Variants in TAFA1 observed in about 807,000 individuals in gnomAD.
TAFA1 encodes chemokine-like protein TAFA-1.
In TAFA1, 4 loss-of-function variants were observed where a neutral mutation model predicts 18.5. The ratio of observed to expected loss-of-function variants is 0.22; its 90% confidence interval spans 0.11 to 0.49. The LOEUF (loss-of-function observed/expected upper bound fraction) is 0.49, where lower values mean the gene tolerates loss of function less well. Ranked by LOEUF, TAFA1 falls within the 20% of genes least tolerant of loss-of-function variation. TAFA1 has a pLI of 0.98. For synonymous variants in TAFA1, 56 were observed against 55.2 expected (o/e 1.01, Z -0.06); for missense variants, 147 against 169.0 (o/e 0.87, Z 0.72).
At chr3:68,296,956 T>C (rs986813912) in intron 2 of TAFA1, among the ~76,000 whole-genome samples, 2 of 152,164 alleles carry the variant, frequency 1.3e-5, no homozygotes, top group African/African-American at 4.8e-5. Context: ...GCTTCTATAA[T>C]TGAACTGAAA....
intron 3 of TAFA1, among the ~76,000 whole-genome samples, chr3:68,431,457 A>G (rs1559667031): frequency 6.6e-6 from 1 of 152,112 alleles, no homozygotes; most frequent in South Asian, 2.1e-4. Context: ...CCTAATCTTC[A>G]TAACAATGCA....
intron 3 of TAFA1, among the ~76,000 whole-genome samples, chr3:68,521,229 C>T (rs1039831158): frequency 2.6e-5 from 4 of 152,180 alleles, no homozygotes; most frequent in South Asian, 2.1e-4. Flanking sequence ...TTTTCCAGAG[C>T]GCCCTCCCCA....
intron 2 of TAFA1, among the ~76,000 whole-genome samples, chr3:68,269,021 C>A (rs144371543): frequency 1.3e-3 from 202 of 152,186 alleles, no homozygotes; most frequent in African/African-American, 4.6e-3. Flanking sequence ...CCCTTCTTTC[C>A]TTCCCTTCTT....
At chr3:68,204,892 C>T (rs187954362) in intron 2 of TAFA1, among the ~76,000 whole-genome samples, 42 of 151,934 alleles carry the variant, frequency 2.8e-4, no homozygotes, top group Admixed American at 1.0e-3. Flanking sequence ...ATCATTTGGC[C>T]TCCCAGATGT....
chr3:68,021,185 CAAAAAAAAAAAAAAA>C (rs10610707), intron 2 of TAFA1, among the ~76,000 whole-genome samples: 1 of 56,092 alleles, frequency 1.8e-5, no homozygotes, highest in African/African-American at 6.6e-5. Context: ...GACCCTGTCT[CAAAAAAAAAAAAAAA>C]AAAAAAAAAA....
rs565001040 is a variant in TAFA1 at position 68,043,224 on chromosome 3, TA to T, written c.118+36481del. ...TTAACAGAAAGAGAGTACACTGCTT[TA>T]TGTAAAAAACTGACAGGTGATTGCC... On this transcript the variant is annotated intron_variant, in intron 2 of 4. Transcript: ENST00000478136. 1.3e-5 allele frequency among the ~76,000 whole-genome samples: 2 copies of T among 152,308 alleles called. 1 individual carries two copies. The highest frequency in any genetic ancestry group is 4.1e-4 in the South Asian group (2 of 4,832).
At chr3:68,213,927 C>T (rs1354089774) in intron 2 of TAFA1, among the ~76,000 whole-genome samples, 3 of 151,994 alleles carry the variant, frequency 2.0e-5, no homozygotes, top group African/African-American at 2.4e-5. Flanking sequence ...CTGCCTTAAC[C>T]TCAGATGGTT....
intron 3 of TAFA1, among the ~76,000 whole-genome samples, chr3:68,424,389 A>T (rs1206023015): frequency 6.6e-6 from 1 of 152,086 alleles, no homozygotes; most frequent in Non-Finnish European, 1.5e-5. Context: ...ACATTAATAC[A>T]TCTATCCATA....
chr3:68,177,284 C>G (rs1051975323), intron 2 of TAFA1, among the ~76,000 whole-genome samples: 1 of 152,116 alleles, frequency 6.6e-6, no homozygotes, highest in Admixed American at 6.5e-5. Context: ...ATTGGTAAAT[C>G]AACATTAATG....
chr3:68,287,783 C>T (rs2068036129), intron 2 of TAFA1, among the ~76,000 whole-genome samples: 2 of 151,996 alleles, frequency 1.3e-5, no homozygotes, highest in Admixed American at 1.3e-4. Context: ...TCCGTGACGC[C>T]CCGAAGCAAG....
intron 2 of TAFA1, among the ~76,000 whole-genome samples, chr3:68,141,436 G>A (rs2106902517): frequency 6.6e-6 from 1 of 152,256 alleles, no homozygotes; most frequent in East Asian, 1.9e-4. Flanking sequence ...AGAGAACTCA[G>A]GTCGTCAGCA....
Position 68,246,566 on chromosome 3 carries a change from G to C in TAFA1, c.119-170714G>C, listed in dbSNP as rs958890341. 8.4e-4 allele frequency among the ~76,000 whole-genome samples: 101 copies of C among 120,764 alleles called. 1 individual carries two copies. The highest frequency in any genetic ancestry group is 3.1e-3 in the African/African-American group (95 of 30,532). The allele number at this position is 120,764 out of a possible 152,430, so 79.2% of individuals were successfully genotyped here. A position where few individuals can be genotyped will look rare whatever the true frequency, so the allele number is the denominator to read the frequency against. ...GATGGTGCCACCGCACTCCAGCCTG[G>C]GCGACAGAGCGGGACTCCGTCTCAA... On this transcript the variant is annotated intron_variant, in intron 2 of 4. Coordinates refer to ENST00000478136, the MANE Select transcript of TAFA1 (RefSeq NM_213609.4).
chr3:68,486,822 T>A (rs1435193258), intron 3 of TAFA1, among the ~76,000 whole-genome samples: 4 of 152,316 alleles, frequency 2.6e-5, no homozygotes, highest in Non-Finnish European at 4.4e-5. Flanking sequence ...TCTCATTCAA[T>A]ATCTTAGCAT....
At chr3:68,423,432 G>A (rs1206678976) in intron 3 of TAFA1, among the ~76,000 whole-genome samples, 3 of 152,092 alleles carry the variant, frequency 2.0e-5, no homozygotes, top group African/African-American at 7.2e-5. Context: ...CATTCATCAA[G>A]CATAGGCAAA....
chr3:68,267,642 T>C (rs2067573604), intron 2 of TAFA1, among the ~76,000 whole-genome samples: 1 of 152,240 alleles, frequency 6.6e-6, no homozygotes, highest in South Asian at 2.1e-4. Context: ...CTTGAAAGTT[T>C]TGTTCTATCT....
chr3:68,430,114 A>G (rs2106833941), intron 3 of TAFA1, among the ~76,000 whole-genome samples: 1 of 152,082 alleles, frequency 6.6e-6, no homozygotes, highest in East Asian at 1.9e-4. Flanking sequence ...ACCTAAACAT[A>G]TACAAGTAAA....
At chr3:68,480,918 A>G (rs1329843992) in intron 3 of TAFA1, among the ~76,000 whole-genome samples, 1 of 151,988 alleles carries the variant, frequency 6.6e-6, no homozygotes, top group Non-Finnish European at 1.5e-5. Context: ...AAGTCTAAGG[A>G]GATAGGATGG....
intron 2 of TAFA1, among the ~76,000 whole-genome samples, chr3:68,199,183 A>G (rs968410204): frequency 4.0e-5 from 6 of 151,380 alleles, no homozygotes; most frequent in African/African-American, 1.5e-4. Context: ...GACTATATCT[A>G]TTTCTGGGTT....
In TAFA1 at chr3:68,192,785, G is replaced by T. The variant is rs192869242; in HGVS notation, c.118+186041G>T. Among the ~76,000 whole-genome samples, 201 of 151,870 alleles carry T rather than the reference G, an allele frequency of 1.3e-3. 1 individual carries two copies. Among genetic ancestry groups the T allele is most frequent in the Non-Finnish European group, 1.8e-4 (12 of 67,816 alleles). ...GGACACTCCAAGCATATAGCAAGGG[G>T]TGTTATCTAGTCTAAGGAAGTAAAA... On this transcript the variant is annotated intron_variant, in intron 2 of 4. Coordinates refer to ENST00000478136, the MANE Select transcript of TAFA1 (RefSeq NM_213609.4).
Sources: gnomAD v4.1 joint callset for allele counts (sites outside exome capture counted in the v4.1 genomes callset) on GRCh38, gnomAD v4.1.1 for gene constraint, MANE v1.5 for transcripts, NCBI Gene and HGNC (gene_info 2026-07-23, HGNC 2026-07-21) for gene names.